Variants in ANKS1A observed in about 807,000 individuals in gnomAD.
ANKS1A encodes the protein ankyrin repeat and SAM domain-containing protein 1A.
In ANKS1A, 55 loss-of-function variants were observed where a neutral mutation model predicts 120.3. That is an observed-to-expected ratio of 0.46 (90% CI 0.37 to 0.57). The LOEUF (loss-of-function observed/expected upper bound fraction) is 0.57, where lower values mean the gene tolerates loss of function less well. Among genes scored for constraint, ANKS1A ranks in the 20% least tolerant of loss-of-function variants. The probability of loss-of-function intolerance (pLI) is 0.00; values close to 1 mark genes in which losing one functional copy is unlikely to be tolerated. For synonymous variants in ANKS1A, 590 were observed against 604.7 expected, an observed-to-expected ratio of 0.98 and a Z score of 0.36; for missense variants, 1,123 against 1,480.3, an observed-to-expected ratio of 0.76 and a Z score of 3.96.
At chr6:34,898,325 A>T (rs1208964601) in intron 1 of ANKS1A, among the ~76,000 whole-genome samples, 1 of 152,210 alleles carries the variant, frequency 6.6e-6, no homozygotes, top group Non-Finnish European at 1.5e-5. Context: ...CCAGGTCCAC[A>T]ATCCTTTGTT....
chr6:35,045,766 G>A (rs1012265447), intron 11 of ANKS1A, among the ~76,000 whole-genome samples: 3 of 152,212 alleles, frequency 2.0e-5, no homozygotes, highest in African/African-American at 7.2e-5. Flanking sequence ...CAGGGTGCTT[G>A]TGAGGAGGGA....
At chr6:35,076,657 C>G (rs1476370926) in intron 13 of ANKS1A, among the ~76,000 whole-genome samples, 1 of 152,146 alleles carries the variant, frequency 6.6e-6, no homozygotes, top group Non-Finnish European at 1.5e-5. Context: ...GAGGTGGAAT[C>G]TTACCCTGTC....
At chr6:34,907,217 G>A (rs1336404585) in intron 1 of ANKS1A, among the ~76,000 whole-genome samples, 1 of 152,140 alleles carries the variant, frequency 6.6e-6, no homozygotes, top group African/African-American at 2.4e-5. Context: ...TGCAGTGTAG[G>A]GTCCTGGAAC....
intron 10 of ANKS1A, among the ~76,000 whole-genome samples, chr6:35,010,823 T>G (rs921686758): frequency 1.3e-5 from 2 of 152,202 alleles, no homozygotes; most frequent in African/African-American, 4.8e-5. Flanking sequence ...TAAAAAAGTT[T>G]GATCTGTCTT....
intron 1 of ANKS1A, among the ~76,000 whole-genome samples, chr6:34,960,291 T>A (rs1189053996): frequency 2.0e-5 from 3 of 152,210 alleles, no homozygotes; most frequent in Non-Finnish European, 4.4e-5. Flanking sequence ...CTCTGCTTCC[T>A]TTGCTCACTT....
chr6:35,079,812 A>G lies in ANKS1A; in HGVS notation c.2437-9A>G. ...CTGACCTGTCACCTCGCTGCTCCTC[A>G]TCACCCAGGTCCTGAAGGTCCAGCT... On this transcript the variant is annotated splice_polypyrimidine_tract_variant and intron_variant, in intron 15 of 23. Coordinates refer to ENST00000360359, the MANE Select transcript of ANKS1A (RefSeq NM_015245.3). 6.3e-7 allele frequency: 1 copy of G among 1,584,842 alleles called. No homozygotes were observed. Among genetic ancestry groups the G allele is most frequent in the Non-Finnish European group, 8.6e-7 (1 of 1,165,302 alleles).
In ANKS1A at chr6:35,088,884, A is replaced by G; in HGVS notation, c.*275A>G. The G allele has an allele frequency of 7.1e-7, 1 of 1,412,186 alleles. No individual in the cohort carries two copies. Among genetic ancestry groups the G allele is most frequent in the African/African-American group, 1.4e-5 (1 of 69,384 alleles). 87.5% of individuals were successfully genotyped at this position (1,412,186 alleles called of 1,614,324 possible). ...ACTTGTTCAGAACACATTGTTTTTA[A>G]CAGAAAAAAAATCTTTTTATAAAAT... On this transcript the variant is annotated 3_prime_UTR_variant, in exon 24 of 24. Coordinates refer to ENST00000360359, the MANE Select transcript of ANKS1A (RefSeq NM_015245.3).
intron 11 of ANKS1A, among the ~76,000 whole-genome samples, chr6:35,047,938 G>A (rs1775790230): frequency 6.6e-6 from 1 of 152,210 alleles, no homozygotes; most frequent in Non-Finnish European, 1.5e-5. Flanking sequence ...CCTAAGCCCT[G>A]ACCTCTGAGT....
Position 35,070,824 on chromosome 6 carries a change from C to G in ANKS1A, c.2185-7734C>G, listed in dbSNP as rs184464639. On this transcript the variant is annotated intron_variant, in intron 13 of 23. Coordinates refer to ENST00000360359, the MANE Select transcript of ANKS1A (RefSeq NM_015245.3). ...TAACCCAGACACCCCTTTCTTTTTTCTTTGTGTGTGTGTGTGTGTGTGCGC... is the reference window on the plus strand; with the variant it reads ...TAACCCAGACACCCCTTTCTTTTTTGTTTGTGTGTGTGTGTGTGTGTGCGC... 13 of 508,654 alleles carry G rather than the reference C, an allele frequency of 2.6e-5. No individual in the cohort carries two copies. In the African/African-American group the frequency reaches 2.6e-4, roughly 10 times the overall value. 31.5% of individuals were successfully genotyped at this position (508,654 alleles called of 1,614,324 possible).
chr6:35,054,074 C>T (rs1167744117), intron 11 of ANKS1A, 25 bp from the exon 12 acceptor site: 1 of 1,609,178 alleles, frequency 6.2e-7, no homozygotes, highest in Non-Finnish European at 8.5e-7. Flanking sequence ...ACTGCCTCTC[C>T]TCTTTGTTCT....
chr6:35,065,214 C>A (rs1274374666), intron 13 of ANKS1A, among the ~76,000 whole-genome samples: 2 of 134,028 alleles, frequency 1.5e-5, no homozygotes, highest in South Asian at 2.7e-4. Flanking sequence ...CTTGCCCCCC[C>A]TCCCTTTCAC....
In ANKS1A at chr6:35,018,029, G is replaced by A; in HGVS notation, c.1980G>A (p.Lys660=). 1 of 1,613,990 alleles carries A rather than the reference G, an allele frequency of 6.2e-7. No individual in the cohort carries two copies. The highest frequency in any genetic ancestry group is 8.5e-7 in the Non-Finnish European group (1 of 1,179,990). The change falls in exon 11 of 24, where the codon AAG becomes AAA. Residue 660 remains lysine, a synonymous_variant. Transcript: ENST00000360359. ...NCSIGKKRLE[K]SPSFASEWDE... is the part of the protein sequence containing the mutation. Reference sequence around the variant, plus strand: ...GCATTGGGAAGAAAAGGCTAGAGAAGTCACCCTCCTTCGCCTCGGAGTGGG... The same window carrying A: ...GCATTGGGAAGAAAAGGCTAGAGAAATCACCCTCCTTCGCCTCGGAGTGGG...
At chr6:34,935,861 G>C (rs1769223308) in intron 1 of ANKS1A, among the ~76,000 whole-genome samples, 1 of 151,644 alleles carries the variant, frequency 6.6e-6, no homozygotes, top group Non-Finnish European at 1.5e-5. Context: ...AGGAGATCGA[G>C]ACCATCCCGG....
At chr6:34,988,132 A>G (rs1051236606) in intron 8 of ANKS1A, among the ~76,000 whole-genome samples, 3 of 152,228 alleles carry the variant, frequency 2.0e-5, no homozygotes, top group Non-Finnish European at 4.4e-5. Context: ...GGGTTGGCAA[A>G]CGACAGTCCA....
At chr6:35,092,306 TAAA>T (rs1581776201), downstream of ANKS1A, among the ~76,000 whole-genome samples, 1 of 152,182 alleles carries the variant, frequency 6.6e-6, no homozygotes, top group Admixed American at 6.5e-5. Flanking sequence ...AAAAGGGCCT[TAAA>T]AAAGAAAATT....
intron 1 of ANKS1A, among the ~76,000 whole-genome samples, chr6:34,933,158 T>G (rs1307844902): frequency 6.6e-6 from 1 of 152,240 alleles, no homozygotes; most frequent in Non-Finnish European, 1.5e-5. Context: ...CATCTTTGAA[T>G]TGGGTTACTT....
intron 1 of ANKS1A, among the ~76,000 whole-genome samples, chr6:34,941,276 G>A (rs747336918): frequency 3.9e-5 from 6 of 152,102 alleles, no homozygotes; most frequent in African/African-American, 7.2e-5. Flanking sequence ...GTGAGCCACC[G>A]CGCCAGCCTA....
intron 14 of ANKS1A, 37 bp downstream of exon 14, chr6:35,078,693 G>A (rs751607556): frequency 1.3e-6 from 2 of 1,586,464 alleles, no homozygotes; most frequent in Non-Finnish European, 1.7e-6. Flanking sequence ...AGCCCGTGCG[G>A]AGCCAGGGCC....
chr6:35,089,299 AG>A lies in ANKS1A; in HGVS notation c.*691del, dbSNP rs957047457. 5.1e-6 allele frequency: 5 copies of A among 987,764 alleles called. No homozygotes were observed. The African/African-American group carries it at 8.7e-5, about 17-fold the overall frequency. 61.2% of individuals were successfully genotyped at this position (987,764 alleles called of 1,614,324 possible). The stretch of plus-strand genomic sequence containing the variant: ...TCTGGGGTTCCCGATGGGAAGGTTC[AG>A]TGGCCAAATGAAGATAAGTGTGCAG... On this transcript the variant is annotated 3_prime_UTR_variant, in exon 24 of 24. Transcript: ENST00000360359.
Sources: gnomAD v4.1 joint callset for allele counts (sites outside exome capture counted in the v4.1 genomes callset) on GRCh38, gnomAD v4.1.1 for gene constraint, MANE v1.5 for transcripts, NCBI Gene and HGNC (gene_info 2026-07-23, HGNC 2026-07-21) for gene names.